ZAN: variants seen among roughly 807,000 people sequenced by gnomAD.
The protein encoded by ZAN is zonadhesin, also known as zonadhesin (gene/pseudogene).
Under a neutral mutation model 286.2 loss-of-function variants are expected in ZAN, and 260 were observed. The observed-to-expected ratio is 0.91, with a 90% CI of 0.82 to 1.01. ZAN has a LOEUF of 1.01. Ranked by LOEUF, ZAN falls within the 50% of genes least tolerant of loss-of-function variation. The pLI is 0.00. For synonymous variants in ZAN, 1,368 were observed against 1,417.5 expected, an observed-to-expected ratio of 0.97 and a Z score of 0.79; for missense variants, 3,410 against 3,639.2, an observed-to-expected ratio of 0.94 and a Z score of 1.62.
intron 42 of ZAN, among the ~76,000 whole-genome samples, chr7:100,792,982 C>CAAAAAAAAAAAAAAAAAAAAAAA (rs1232116032): frequency 1.8e-4 from 9 of 50,952 alleles, no homozygotes; most frequent in South Asian, 4.7e-4. Flanking sequence ...CATCCTATCT[C>CAAAAAAAAAAAAAAAAAAAAAAA]AAAAAAAAAA....
At chr7:100,756,891 C>A (rs1418629214) in intron 15 of ZAN, among the ~76,000 whole-genome samples, 2 of 152,140 alleles carry the variant, frequency 1.3e-5, no homozygotes, top group Non-Finnish European at 2.9e-5. Context: ...GCCTCAGACT[C>A]CGGAGTACCT....
At chr7:100,792,573 C>T (rs374028516) in intron 42 of ZAN, 94 bp downstream of exon 42, 69 of 1,571,942 alleles carry the variant, frequency 4.4e-5, no homozygotes, top group Admixed American at 1.3e-4. Context: ...CTGTGCCGAC[C>T]CTGACCCCTC....
chr7:100,788,072 T>C lies in ZAN; in HGVS notation c.7163T>C (p.Leu2388Ser), dbSNP rs1008628894. 6.3e-7 allele frequency: 1 copy of C among 1,585,316 alleles called. No homozygotes were observed. Among genetic ancestry groups the C allele is most frequent in the Non-Finnish European group, 8.6e-7 (1 of 1,160,608 alleles). ...GATCCGCCCAGGAGCTCCATCTTCT[T>C]GCAGGAAGTGATTACCACCGTCTAC... is the stretch of plus-strand genomic sequence containing the variant. Reference protein sequence around the residue: ...KMDPPRSSIFLQEVITTVYGY... With the variant: ...KMDPPRSSIFSQEVITTVYGY... Residue 2388 changes from leucine to serine, a missense_variant, in exon 38 of 48, where the codon TTG (leucine) becomes TCG (serine). Leu to Ser is a moderately radical substitution (Grantham distance 145). Transcript: ENST00000613979.
At position 100,773,748 on chromosome 7, in the gene ZAN, A is replaced by G. The variant is rs1584606658; in HGVS notation, c.5662A>G (p.Thr1888Ala). Residue 1888 changes from threonine (T) to alanine (A), a missense_variant, in exon 31 of 48, where the codon ACC becomes GCC. By Grantham distance (58) the Thr-to-Ala change is moderately conservative (BLOSUM62 0). This residue lies in a region of ZAN where 1,289 missense variants were observed against 1,314.3 expected (regional missense o/e 0.98). Transcript: ENST00000613979. The part of the protein sequence containing the change: ...PVGERWYTEN[T>A]CTRLCTCSVH... ...CGGGGAGCGCTGGTACACAGAGAAC[A>G]CCTGCACCAGGCTCTGCACCTGCTC... is the stretch of plus-strand genomic sequence containing the variant. 3.7e-6 allele frequency: 6 copies of G among 1,610,944 alleles called. No homozygotes were observed. Among genetic ancestry groups the G allele is most frequent in the Non-Finnish European group, 5.1e-6 (6 of 1,178,558 alleles).
intron 8 of ZAN, among the ~76,000 whole-genome samples, chr7:100,747,204 T>A (rs915271812): frequency 4.6e-5 from 7 of 151,778 alleles, no homozygotes; most frequent in Non-Finnish European, 8.8e-5. Context: ...CTGGCCAACA[T>A]AGAGAAACCT....
chr7:100,737,433 G>C, intron 6 of ZAN, 84 bp downstream of exon 6: 1 of 1,039,020 alleles, frequency 9.6e-7, no homozygotes, highest in Non-Finnish European at 1.4e-6. Flanking sequence ...CAGGGCGGGC[G>C]CGGTGGCTCA....
chr7:100,789,576 G>A (rs576778436), intron 39 of ZAN, among the ~76,000 whole-genome samples: 1 of 152,296 alleles, frequency 6.6e-6, no homozygotes, highest in Admixed American at 6.5e-5. Context: ...CCGGGAAGCT[G>A]AGGTGGGAGG....
Position 100,764,064 on chromosome 7 carries a change from G to C in ZAN, c.4135G>C (p.Asp1379His), listed in dbSNP as rs188067261. The C allele has an allele frequency of 1.1e-5, 17 of 1,613,786 alleles. No homozygotes were observed. The African/African-American group carries it at 2.0e-4, about 19-fold the overall frequency. The change falls in exon 22 of 48, where the codon GAC becomes CAC. Residue 1379 changes from aspartate (D) to histidine (H), a missense_variant. Physicochemically the swap from Asp to His is moderately conservative, Grantham distance 81. Coordinates refer to ENST00000613979, the MANE Select transcript of ZAN (RefSeq NM_003386.3). ...GCACGTGAAGGCCGCTTCCTTCTTC[G>C]ACAGCTGCATGCTTGATATGTGCGG... ...LLHVKAASFF[D>H]SCMLDMCGFQ...
chr7:100,763,721 G>A lies in ZAN; in HGVS notation c.3987-85G>A, dbSNP rs933539788. The A allele has an allele frequency of 4.9e-6, 7 of 1,420,946 alleles. No homozygotes were observed. Among genetic ancestry groups the A allele is most frequent in the Non-Finnish European group, 6.0e-6 (6 of 1,007,986 alleles). 88.0% of individuals were successfully genotyped at this position (1,420,946 alleles called of 1,614,324 possible). A position where few individuals can be genotyped will look rare whatever the true frequency, so the allele number is the denominator to read the frequency against. On this transcript the variant is annotated intron_variant, in intron 20 of 47. Transcript: ENST00000613979. This position sits in a 1 kb window ranked among gnomAD's most constrained non-coding sequence, Gnocchi z 4.6. ...CTGACAGGCTGGTTTGCCGGTCCCG[G>A]CCTGCCAGCCTTGCTGCCTGCTGGG...
intron 28 of ZAN, 87 bp from the exon 29 acceptor site, chr7:100,771,757 G>A: frequency 1.4e-6 from 2 of 1,400,432 alleles, no homozygotes; most frequent in Admixed American, 2.1e-5. Flanking sequence ...TGACTGAAGT[G>A]GATGTCGAAT....
rs10247980 is a variant in ZAN, at chr7:100,768,661, T to C, written c.5093T>C (p.Leu1698Pro). 536,379 of 1,608,112 alleles carry C rather than the reference T, an allele frequency of 0.33. 92,115 individuals carry two copies. The highest frequency in any genetic ancestry group is 0.51 in the African/African-American group (38,413 of 74,788). Residue 1698 changes from leucine (L) to proline (P), a missense_variant, in exon 27 of 48, where the codon CTT becomes CCT. Coordinates refer to ENST00000613979, the MANE Select transcript of ZAN (RefSeq NM_003386.3). The stretch of plus-strand genomic sequence containing the variant: ...GACAACCTGCGCCCCGACAGAAAGC[T>C]TGCAGGCGATTCCATGCAGCTGGGG... Reference protein sequence around the residue: ...LDDNLRPDRKLAGDSMQLGAA... With the variant: ...LDDNLRPDRKPAGDSMQLGAA...
chr7:100,780,193 CA>C (rs920237460), intron 35 of ZAN, among the ~76,000 whole-genome samples: 1,522 of 122,810 alleles, frequency 0.012, 19 homozygotes, highest in African/African-American at 0.039. Flanking sequence ...CACTCCATCT[CA>C]AAAAAAAAAA....
Position 100,797,723 on chromosome 7 carries a change from T to C in ZAN, c.8430T>C (p.Cys2810=), listed in dbSNP as rs1201042046. The C allele has an allele frequency of 1.9e-6, 3 of 1,613,866 alleles. No individual in the cohort carries two copies. In the African/African-American group the frequency reaches 4.0e-5, roughly 22 times the overall value. Residue 2810 remains cysteine (C), a synonymous_variant, in exon 48 of 48, where the codon TGT becomes TGC. Transcript: ENST00000613979. ...RLVDTDTVLD[C]AC ...TCTCCTCAGATACTGTTCTGGACTG[T>C]GCCTGTTAAGTTGCTCAGTTTTGAG...
chr7:100,768,776 C>T lies in ZAN; in HGVS notation c.5153+55C>T, dbSNP rs556476661. On this transcript the variant is annotated intron_variant, in intron 27 of 47. Transcript: ENST00000613979. ...GAGGGGCTGGGCCTGGGAAGGGCCT[C>T]GGGGGGCAGCTTGGAAGTGTCCTCT... 3.4e-6 allele frequency: 5 copies of T among 1,457,866 alleles called. No homozygotes were observed. The East Asian group carries it at 7.4e-5, about 22-fold the overall frequency. 90.3% of individuals were successfully genotyped at this position (1,457,866 alleles called of 1,614,324 possible).
At chr7:100,769,736 A>G in intron 27 of ZAN, 144 bp from the exon 28 acceptor site, 1 of 648,544 alleles carries the variant, frequency 1.5e-6, no homozygotes, top group African/African-American at 1.8e-5. Context: ...GTGTAGAGAT[A>G]GGATCTCACT....
chr7:100,775,164 T>C (rs1196971655), intron 31 of ZAN, among the ~76,000 whole-genome samples, 164 bp from the exon 32 acceptor site: 1 of 152,034 alleles, frequency 6.6e-6, no homozygotes. Flanking sequence ...CAGCCCACCT[T>C]GGCCTCCCAA....
chr7:100,782,234 T>A (rs1026419006), intron 35 of ZAN, among the ~76,000 whole-genome samples: 11 of 150,846 alleles, frequency 7.3e-5, no homozygotes, highest in African/African-American at 2.7e-4. Flanking sequence ...TTTTATGGGG[T>A]CAAATATATT....
Position 100,755,396 on chromosome 7 carries a change from A to G in ZAN, c.3295A>G (p.Asn1099Asp), listed in dbSNP as rs1319848719. 1.9e-6 allele frequency: 3 copies of G among 1,593,650 alleles called. No individual in the cohort carries two copies. Among genetic ancestry groups the G allele is most frequent in the Admixed American group, 3.4e-5 (2 of 59,594 alleles). ...QASSCNCFYN[N>D]DYYEPGAEWF... ...CTCTTCCTGCAATTGCTTCTACAAC[A>G]ACGACTACTATGAGGTAAGCCCCCC... The change falls in exon 15 of 48, where the codon AAC (asparagine) becomes GAC (aspartate). Residue 1099 changes from asparagine to aspartate, a missense_variant. Asn to Asp is a conservative substitution (Grantham distance 23). Coordinates refer to ENST00000613979, the MANE Select transcript of ZAN (RefSeq NM_003386.3).
chr7:100,739,005 T>A (rs1396024776), intron 7 of ZAN, among the ~76,000 whole-genome samples: 2 of 76,806 alleles, frequency 2.6e-5, no homozygotes, highest in Admixed American at 1.4e-4. Flanking sequence ...CTCCTTCTCC[T>A]TCTTCTTTTT....
Sources: gnomAD v4.1 joint callset for allele counts (sites outside exome capture counted in the v4.1 genomes callset) on GRCh38, gnomAD v4.1.1 for gene constraint, gnomAD v4.1.1 regional missense constraint, Gnocchi (gnomAD v3.1) non-coding constraint, MANE v1.5 for transcripts, NCBI Gene and HGNC (gene_info 2026-07-23, HGNC 2026-07-21) for gene names.